LRRC71: variants seen among roughly 807,000 people sequenced by gnomAD.
LRRC71 encodes the protein leucine rich repeat containing 71.
Under a neutral mutation model 66.6 loss-of-function variants are expected in LRRC71, and 54 were observed. That is an observed-to-expected ratio of 0.81 (90% CI 0.65 to 1.02). The LOEUF is 1.02. LRRC71 is among the 50% of genes least tolerant of loss of function. The pLI is 0.00. For synonymous variants in LRRC71, 323 were observed against 303.9 expected (o/e 1.06, Z -0.65); for missense variants, 724 against 718.0 (o/e 1.01, Z -0.10).
chr1:156,933,467 C>T (rs556075657), downstream of LRRC71, among the ~76,000 whole-genome samples: 11 of 152,236 alleles, frequency 7.2e-5, no homozygotes, highest in South Asian at 2.1e-4. Flanking sequence ...TCTGCTTCCC[C>T]GTCTGGCTGG....
chr1:156,931,747 A>C (rs1654399258), intron 12 of LRRC71, among the ~76,000 whole-genome samples, 169 bp from the exon 13 acceptor site: 2 of 151,946 alleles, frequency 1.3e-5, no homozygotes, highest in Admixed American at 1.3e-4. Context: ...CTCCACACAA[A>C]GGAGCTTCTT....
the LRRC71 span, chr1:156,940,498 T>C: frequency 5.0e-6 from 7 of 1,411,736 alleles, no homozygotes; most frequent in Non-Finnish European, 6.7e-6. Context: ...ATGGGCAGCT[T>C]TGGAGCCAAG....
At chr1:156,929,049 C>T (rs936715130) in intron 9 of LRRC71, among the ~76,000 whole-genome samples, 11 of 152,104 alleles carry the variant, frequency 7.2e-5, no homozygotes, top group African/African-American at 2.2e-4. Flanking sequence ...AGTCTGAGAC[C>T]CTGCCTCACC....
chr1:156,932,259 G>T (rs1264062069), intron 13 of LRRC71, 165 bp from the exon 14 acceptor site: 8 of 672,624 alleles, frequency 1.2e-5, no homozygotes, highest in African/African-American at 1.1e-4. Context: ...GATGGGGAGT[G>T]TGTGAGTAAG....
chr1:156,932,628 T>A, intron 14 of LRRC71, 83 bp downstream of exon 14: 1 of 1,613,498 alleles, frequency 6.2e-7, no homozygotes, highest in Non-Finnish European at 8.5e-7. Context: ...AGGCAGCTTC[T>A]GTCTCCCCAT....
rs1268129731 is a variant in LRRC71 at position 156,929,436 on chromosome 1, G to A, written c.1146+7G>A. The A allele has an allele frequency of 6.2e-7, 1 of 1,613,866 alleles. No individual in the cohort carries two copies. Among genetic ancestry groups the A allele is most frequent in the Non-Finnish European group, 8.5e-7 (1 of 1,179,860 alleles). On this transcript the variant is annotated splice_region_variant and intron_variant, in intron 10 of 14. Transcript: ENST00000337428. ...GAAAAAGGAGAAATCATGGGTAGGT[G>A]TGCAATGGGACAGATCCTGGGTGCT...
At chr1:156,925,753 AC>A (rs1177085611) in intron 5 of LRRC71, among the ~76,000 whole-genome samples, 1 of 151,998 alleles carries the variant, frequency 6.6e-6, no homozygotes, top group East Asian at 1.9e-4. Context: ...GCGGGGGGGT[AC>A]CCCTCCATGC....
intron 12 of LRRC71, 149 bp from the exon 13 acceptor site, chr1:156,931,767 G>A: frequency 3.1e-6 from 2 of 651,636 alleles, no homozygotes; most frequent in Non-Finnish European, 5.3e-6. Flanking sequence ...TGAGGGTATG[G>A]GCTTATTTAT....
At position 156,924,747 on chromosome 1, in the gene LRRC71, G is replaced by A. The variant is rs529389844; in HGVS notation, c.515+29G>A. On this transcript the variant is annotated intron_variant, in intron 4 of 14. Transcript: ENST00000337428. ...AGAGGCACTGAGGGGATGGGCGGGG[G>A]ACCAGAGTGGGAGTTGGGGCTCCTG... The A allele has an allele frequency of 2.6e-6, 4 of 1,550,196 alleles. No homozygotes were observed. The East Asian group carries it at 9.8e-5, about 38-fold the overall frequency.
chr1:156,931,458 A>G (rs1654356368), intron 12 of LRRC71, among the ~76,000 whole-genome samples: 1 of 152,094 alleles, frequency 6.6e-6, no homozygotes, highest in Non-Finnish European at 1.5e-5. Flanking sequence ...ATTTCTTTTC[A>G]TCATGCCGTC....
downstream of LRRC71, chr1:156,933,229 C>T: frequency 2.4e-6 from 1 of 424,102 alleles, no homozygotes; most frequent in Non-Finnish European, 4.2e-6. Context: ...CCTCTGGCCT[C>T]AGTTAGCCAG....
chr1:156,921,878 T>C (rs1652448543), intron 1 of LRRC71, among the ~76,000 whole-genome samples: 1 of 151,866 alleles, frequency 6.6e-6, no homozygotes, highest in South Asian at 2.1e-4. Context: ...GTGAGAATGG[T>C]GAGGCTTGGT....
chr1:156,930,600 A>C lies in LRRC71; in HGVS notation c.1312A>C (p.Ile438Leu). 6.4e-7 allele frequency: 1 copy of C among 1,564,584 alleles called. No individual in the cohort carries two copies. The highest frequency in any genetic ancestry group is 1.2e-5 in the South Asian group (1 of 84,668). Residue 438 changes from isoleucine to leucine, a missense_variant, in exon 12 of 15, where the codon ATC becomes CTC. Coordinates refer to ENST00000337428, the MANE Select transcript of LRRC71 (RefSeq NM_144702.3). ...GATCGGGAGCAGAGAGAAGCGCAGC[A>C]TCCTCCTGGAGTCCGAGGTAAGTTG... The part of the protein sequence containing the change: ...IKIGSREKRS[I>L]LLESELVVEA...
At chr1:156,929,250 T>TC (rs768332184) in intron 9 of LRRC71, 30 bp from the exon 10 acceptor site, 1 of 1,578,040 alleles carries the variant, frequency 6.3e-7, no homozygotes, top group Non-Finnish European at 8.6e-7. Flanking sequence ...TCTGGCTTCT[T>TC]CCCCCCTTCC....
chr1:156,934,958 T>C (rs1244911159), downstream of LRRC71: 1 of 148,144 alleles, frequency 6.8e-6, no homozygotes, highest in African/African-American at 2.5e-5. Context: ...TTATATATTA[T>C]ATATATATTT....
At chr1:156,932,608 C>A in intron 14 of LRRC71, 63 bp downstream of exon 14, 1 of 1,613,882 alleles carries the variant, frequency 6.2e-7, no homozygotes, top group Non-Finnish European at 8.5e-7. Flanking sequence ...TCATACTAGA[C>A]AGCTGCTGCA....
At chr1:156,930,923 A>C (rs752424228) in intron 12 of LRRC71, among the ~76,000 whole-genome samples, 35 of 152,278 alleles carry the variant, frequency 2.3e-4, no homozygotes, top group African/African-American at 5.1e-4. Context: ...GCCCAGAGGC[A>C]CAGAGGCCCT....
At chr1:156,927,397 T>C in intron 6 of LRRC71, 99 bp from the exon 7 acceptor site, 6 of 1,523,602 alleles carry the variant, frequency 3.9e-6, no homozygotes, top group Non-Finnish European at 5.3e-6. Context: ...CCCTACATCC[T>C]CAGACCAGAC....
chr1:156,937,060 T>C (rs1655557717), downstream of LRRC71: 2 of 1,591,000 alleles, frequency 1.3e-6, no homozygotes, highest in Non-Finnish European at 1.7e-6. Flanking sequence ...CTAAGGCCCC[T>C]GGGGAAGGGG....
Sources: gnomAD v4.1 joint callset for allele counts (sites outside exome capture counted in the v4.1 genomes callset) on GRCh38, gnomAD v4.1.1 for gene constraint, MANE v1.5 for transcripts, NCBI Gene and HGNC (gene_info 2026-07-23, HGNC 2026-07-21) for gene names.